TCF7: variants seen among roughly 807,000 people sequenced by gnomAD.
TCF7 encodes transcription factor 7.
TCF7 carries 19 observed loss-of-function variants against 46.8 expected under a neutral mutation model. The observed-to-expected ratio is 0.41, with a 90% CI of 0.28 to 0.60. The LOEUF (loss-of-function observed/expected upper bound fraction) is 0.60. TCF7 is among the 20% of genes least tolerant of loss of function. The probability of loss-of-function intolerance (pLI) is 0.35; values close to 1 mark genes in which losing one functional copy is unlikely to be tolerated. For missense variants in TCF7, 547 were observed against 504.6 expected (o/e 1.08, Z -0.81); for synonymous variants, 245 against 213.4 (o/e 1.15, Z -1.29).
chr5:134,125,820 C>A (rs762896613), intron 3 of TCF7, among the ~76,000 whole-genome samples: 1 of 152,256 alleles, frequency 6.6e-6, no homozygotes, highest in African/African-American at 2.4e-5. Flanking sequence ...CCCCGGTGTC[C>A]GGTGGAAAAC....
At chr5:134,125,407 C>G (rs1757211195) in intron 3 of TCF7, among the ~76,000 whole-genome samples, 1 of 152,222 alleles carries the variant, frequency 6.6e-6, no homozygotes, top group African/African-American at 2.4e-5. Flanking sequence ...GGCCACCTCC[C>G]TTGCCAGGGA....
chr5:134,145,040 G>A (rs1383732310), intron 9 of TCF7: 12 of 658,516 alleles, frequency 1.8e-5, no homozygotes, highest in Admixed American at 2.3e-5. Context: ...AACACAGCGC[G>A]TGGAGAAGAC....
chr5:134,145,166 C>CA (rs1760502060), intron 9 of TCF7: 2 of 615,620 alleles, frequency 3.2e-6, no homozygotes, highest in African/African-American at 1.8e-5. Flanking sequence ...CCTCAGCAAA[C>CA]AGACAGCTCA....
At chr5:134,110,296 G>A (rs186361792), upstream of TCF7, among the ~76,000 whole-genome samples, 6 of 152,280 alleles carry the variant, frequency 3.9e-5, no homozygotes, top group South Asian at 2.1e-4. Flanking sequence ...TATGAAGTCC[G>A]AGGGATGGAG....
chr5:134,138,140 C>G lies in TCF7; in HGVS notation c.523C>G (p.Pro175Ala), dbSNP rs755343167. The change falls in exon 4 of 10, where the codon CCT becomes GCT. Residue 175 changes from proline to alanine, a missense_variant. Physicochemically the swap from Pro to Ala is conservative, Grantham distance 27 (BLOSUM62 -1). Transcript: ENST00000342854. ...CAACAGCCCACATCCCACCCCTGCA[C>G]CTGCGGACATCAGCCAGAAGCAAGG... is the stretch of plus-strand genomic sequence containing the variant. ...HFNSPHPTPAPADISQKQVHR... is the reference protein window; with the variant it reads ...HFNSPHPTPAAADISQKQVHR... 6.2e-7 allele frequency: 1 copy of G among 1,613,756 alleles called. No homozygotes were observed.
In TCF7 at chr5:134,146,394, C is replaced by T. The variant is rs367602946; in HGVS notation, c.*91C>T. ...GAACTGCTTACTAGCCCTGCGGAGC[C>T]GGCACCTACATCCCCAGGTCTCTCC... On this transcript the variant is annotated 3_prime_UTR_variant, in exon 10 of 10. Coordinates refer to ENST00000342854, the MANE Select transcript of TCF7 (RefSeq NM_003202.5). The T allele has an allele frequency of 2.2e-5, 33 of 1,489,998 alleles. No homozygotes were observed. The highest frequency in any genetic ancestry group is 4.1e-5 in the African/African-American group (3 of 72,324). The allele number at this position is 1,489,998 out of a possible 1,614,324, so 92.3% of individuals were successfully genotyped here.
At chr5:134,138,771 G>A in intron 4 of TCF7, 180 bp from the exon 5 acceptor site, 1 of 990,880 alleles carries the variant, frequency 1.0e-6, no homozygotes, top group Non-Finnish European at 1.4e-6. Context: ...GGGTTCCCTT[G>A]TCTGTCAAAG....
intron 2 of TCF7, chr5:134,115,607 A>G: frequency 7.0e-7 from 1 of 1,430,836 alleles, no homozygotes. Flanking sequence ...GACCCCCGCC[A>G]TCCCCGCCTC....
At chr5:134,121,177 A>G (rs1358681432) in intron 3 of TCF7, among the ~76,000 whole-genome samples, 1 of 152,126 alleles carries the variant, frequency 6.6e-6, no homozygotes, top group Non-Finnish European at 1.5e-5. Flanking sequence ...CTGCATTCTC[A>G]GAATTCTATC....
rs778564452 is a variant in TCF7 at position 134,146,371 on chromosome 5, A to G, written c.*68A>G. ...ATCTGCTGCCCCGCTTCCCCACAGAACTGCTTACTAGCCCTGCGGAGCCGG... is the reference window on the plus strand; with the variant it reads ...ATCTGCTGCCCCGCTTCCCCACAGAGCTGCTTACTAGCCCTGCGGAGCCGG... On this transcript the variant is annotated 3_prime_UTR_variant, in exon 10 of 10. Coordinates refer to ENST00000342854, the MANE Select transcript of TCF7 (RefSeq NM_003202.5). The G allele has an allele frequency of 5.1e-6, 8 of 1,581,366 alleles. No homozygotes were observed. The highest frequency in any genetic ancestry group is 1.7e-4 in the Middle Eastern group (1 of 6,010).
Position 134,114,875 on chromosome 5 carries a change from A to AGCGCCCCGCGCCCCGGCGGGCG in TCF7, c.-30_-9dup. 2 of 983,544 alleles carry AGCGCCCCGCGCCCCGGCGGGCG rather than the reference A, an allele frequency of 2.0e-6. No homozygotes were observed. The highest frequency in any genetic ancestry group is 2.4e-6 in the Non-Finnish European group (2 of 831,156). 60.9% of individuals were successfully genotyped at this position (983,544 alleles called of 1,614,324 possible). A position where few individuals can be genotyped will look rare whatever the true frequency, so the allele number is the denominator to read the frequency against. On this transcript the variant is annotated 5_prime_UTR_variant, in exon 1 of 10. Coordinates refer to ENST00000342854, the MANE Select transcript of TCF7 (RefSeq NM_003202.5). ...TCCGCGCCCCGCACTCCCGGCGCCC[A>AGCGCCCCGCGCCCCGGCGGGCG]GCGCCCCGCGCCCCGGCGGGCGGAG...
At chr5:134,145,015 T>G in intron 9 of TCF7, 1 of 712,012 alleles carries the variant, frequency 1.4e-6, no homozygotes, top group South Asian at 1.6e-5. Flanking sequence ...CTCCTGAGAA[T>G]AGTAGTAAAT....
chr5:134,134,242 A>C (rs879851681), intron 3 of TCF7, among the ~76,000 whole-genome samples: 5 of 152,198 alleles, frequency 3.3e-5, no homozygotes, highest in Admixed American at 3.3e-4. Context: ...GGCACCGTGG[A>C]CCCCTGGCTC....
intron 5 of TCF7, 30 bp from the exon 6 acceptor site, chr5:134,142,155 G>A (rs1759894994): frequency 6.2e-7 from 1 of 1,613,510 alleles, no homozygotes; most frequent in South Asian, 1.1e-5. Context: ...ATAATTCTTG[G>A]CTCAGTGTTA....
At position 134,116,018 on chromosome 5, in the gene TCF7, G is replaced by A. The variant is rs138581869; in HGVS notation, c.426G>A (p.Gln142=). 190 of 1,612,788 alleles carry A rather than the reference G, an allele frequency of 1.2e-4. No individual in the cohort carries two copies. Among genetic ancestry groups the A allele is most frequent in the Non-Finnish European group, 1.5e-4 (177 of 1,179,720 alleles). ...CCTCGGGAGCAGGGCAGCACCCCCA[G>A]CCGCAGCCCCCGCTGGTAAGTGGAC... ...PPPSGAGQHP[Q]PQPPLHKANQ... Residue 142 remains glutamine, a synonymous_variant, in exon 3 of 10, where the codon CAG becomes CAA. Transcript: ENST00000342854.
intron 9 of TCF7, chr5:134,145,922 ACTGGG>A (rs1330664196): frequency 5.5e-5 from 84 of 1,515,044 alleles, no homozygotes; most frequent in Non-Finnish European, 6.9e-5. Context: ...AAAGGCCGGG[ACTGGG>A]AGATGACTCC....
chr5:134,126,533 A>T (rs971034661), intron 3 of TCF7, among the ~76,000 whole-genome samples: 1 of 152,258 alleles, frequency 6.6e-6, no homozygotes, highest in African/African-American at 2.4e-5. Flanking sequence ...GAATAACAAC[A>T]ACTACAGTAG....
chr5:134,127,593 G>C (rs1480498881), intron 3 of TCF7, among the ~76,000 whole-genome samples: 2 of 152,252 alleles, frequency 1.3e-5, no homozygotes, highest in Non-Finnish European at 1.5e-5. Context: ...GACTGAGGCA[G>C]CTGAGGGAGT....
At chr5:134,115,625 G>T (rs752629482) in intron 2 of TCF7, 3 of 1,432,216 alleles carry the variant, frequency 2.1e-6, no homozygotes, top group African/African-American at 2.9e-5. Flanking sequence ...CTCCCCTCCT[G>T]CCCAGGTGAC....
Sources: gnomAD v4.1 joint callset for allele counts (sites outside exome capture counted in the v4.1 genomes callset) on GRCh38, gnomAD v4.1.1 for gene constraint, MANE v1.5 for transcripts, NCBI Gene and HGNC (gene_info 2026-07-23, HGNC 2026-07-21) for gene names.